Variants in RCC1L observed in about 807,000 individuals in gnomAD.
The protein encoded by RCC1L is RCC1 like.
A neutral mutation model predicts 58.6 loss-of-function variants in RCC1L; 46 were observed. The observed-to-expected ratio is 0.79, with a 90% CI of 0.62 to 1.00. RCC1L has a LOEUF of 1.00. Among genes scored for constraint, RCC1L ranks in the 50% least tolerant of loss-of-function variants. The pLI, the probability that RCC1L is intolerant of heterozygous loss-of-function variation, is 0.00. For missense variants in RCC1L, 636 were observed against 623.6 expected (o/e 1.02, Z -0.21); for synonymous variants, 281 against 262.9 (o/e 1.07, Z -0.67).
rs1806178558 is a variant in RCC1L, at chr7:75,058,904, C to T, written c.788-135G>A. The T allele has an allele frequency of 6.5e-6, 7 of 1,071,130 alleles. No homozygotes were observed. In the Admixed American group the frequency reaches 1.2e-4, roughly 19 times the overall value. 66.4% of individuals were successfully genotyped at this position (1,071,130 alleles called of 1,614,324 possible). On this transcript the variant is annotated intron_variant, in intron 6 of 10. Transcript: ENST00000610322. Reference sequence around the variant, plus strand: ...AGAAATCCCAGTCTGGGGCTGGGTGCAGTGGCTCACGCCTGTAATCCCACC... The same window carrying T: ...AGAAATCCCAGTCTGGGGCTGGGTGTAGTGGCTCACGCCTGTAATCCCACC...
rs1341529520 is a variant in RCC1L, at chr7:75,054,642, C to T, written c.1231+1259G>A. Reference sequence around the variant, plus strand: ...AATTCATGACACTGAATTAGCCGGGCGTGGTGGTGTGTGCCTGTAATCCCA... The same window carrying T: ...AATTCATGACACTGAATTAGCCGGGTGTGGTGGTGTGTGCCTGTAATCCCA... On this transcript the variant is annotated intron_variant, in intron 9 of 10. Coordinates refer to ENST00000610322, the MANE Select transcript of RCC1L (RefSeq NM_030798.5). Among the ~76,000 whole-genome samples the T allele has an allele frequency of 5.3e-5, 8 of 152,094 alleles. No homozygotes were observed. In the East Asian group the frequency reaches 5.8e-4, roughly 11 times the overall value.
chr7:75,049,171 A>G (rs1440840978), intron 10 of RCC1L, among the ~76,000 whole-genome samples: 6 of 152,134 alleles, frequency 3.9e-5, no homozygotes, highest in Non-Finnish European at 4.4e-5. Flanking sequence ...GATGTAATAT[A>G]TCCCCTACGG....
chr7:75,063,213 G>T, intron 5 of RCC1L, 79 bp downstream of exon 5: 1 of 1,458,288 alleles, frequency 6.9e-7, no homozygotes, highest in Non-Finnish European at 9.6e-7. Context: ...TAACAAATTT[G>T]CCATCACCCT....
In RCC1L at chr7:75,056,953, G is replaced by A. The variant is rs899123031; in HGVS notation, c.1057+576C>T. Reference sequence around the variant, plus strand: ...AGCCTTCTGAGTAGCTGGGACTACAGGTGTGCACCACCATGCCCAGCTAAT... The same window carrying A: ...AGCCTTCTGAGTAGCTGGGACTACAAGTGTGCACCACCATGCCCAGCTAAT... On this transcript the variant is annotated intron_variant, in intron 8 of 10. Transcript: ENST00000610322. Among the ~76,000 whole-genome samples, 58 of 152,186 alleles carry A rather than the reference G, an allele frequency of 3.8e-4. 1 individual carries two copies. Among genetic ancestry groups the A allele is most frequent in the African/African-American group, 1.3e-3 (52 of 41,526 alleles).
At chr7:75,037,431 C>T (rs1009378448), downstream of RCC1L, among the ~76,000 whole-genome samples, 37 of 151,914 alleles carry the variant, frequency 2.4e-4, no homozygotes, top group Non-Finnish European at 4.9e-4. Context: ...TCAGGTGATC[C>T]GTCCGCCTCG....
At chr7:75,068,421 C>T (rs1266215255) in intron 2 of RCC1L, among the ~76,000 whole-genome samples, 1 of 151,888 alleles carries the variant, frequency 6.6e-6, no homozygotes, top group Non-Finnish European at 1.5e-5. Context: ...CATGGTGGCT[C>T]ACACCTGTAA....
At chr7:75,048,070 C>G (rs1805788076) in intron 10 of RCC1L, among the ~76,000 whole-genome samples, 1 of 150,454 alleles carries the variant, frequency 6.6e-6, no homozygotes, top group Admixed American at 6.6e-5. Flanking sequence ...AGTTTGAGAC[C>G]AGCCTGGGCA....
chr7:75,044,518 G>A (rs1442407058), intron 10 of RCC1L, among the ~76,000 whole-genome samples: 4 of 136,094 alleles, frequency 2.9e-5, no homozygotes, highest in Non-Finnish European at 4.6e-5. Context: ...AGAATCGCTT[G>A]AACCTGGGAG....
chr7:75,043,831 A>G (rs965545875), intron 10 of RCC1L, among the ~76,000 whole-genome samples: 1 of 152,128 alleles, frequency 6.6e-6, no homozygotes, highest in Non-Finnish European at 1.5e-5. Context: ...AAGCTCCAGA[A>G]ACCCTGTCTC....
chr7:75,041,945 C>T (rs1377732448), downstream of RCC1L, among the ~76,000 whole-genome samples: 17 of 151,786 alleles, frequency 1.1e-4, no homozygotes, highest in Admixed American at 2.6e-4. Context: ...CAGTTGAGCA[C>T]GGTAGCTCAC....
At position 75,066,743 on chromosome 7, in the gene RCC1L, C is replaced by T; in HGVS notation, c.504G>A (p.Leu168=). 6.2e-7 allele frequency: 1 copy of T among 1,613,502 alleles called. No individual in the cohort carries two copies. The highest frequency in any genetic ancestry group is 2.2e-5 in the East Asian group (1 of 44,842). Residue 168 remains leucine, a synonymous_variant, in exon 3 of 11, where the codon CTG becomes CTA. Coordinates refer to ENST00000610322, the MANE Select transcript of RCC1L (RefSeq NM_030798.5). ...VLEPSPVSLP[L]DRPQETRVLQ... is the part of the protein sequence containing the mutation. ...GCACCCGTGTCTCCTGAGGTCTGTC[C>T]AGAGGCAGGGAGACGGGTGAGGGCT...
chr7:75,042,110 T>C (rs1805584162), downstream of RCC1L: 3 of 886,320 alleles, frequency 3.4e-6, no homozygotes, highest in Non-Finnish European at 4.1e-6. Context: ...CTTCTGCCTC[T>C]GTATCAAAAG....
intron 1 of RCC1L, among the ~76,000 whole-genome samples, chr7:75,072,155 C>CATATATATATATAT (rs1212608729): frequency 0.012 from 566 of 47,680 alleles, 23 homozygotes; most frequent in Middle Eastern, 0.016. Flanking sequence ...TATACATATA[C>CATATATATATATAT]ATATACATAT....
At chr7:75,068,144 A>G (rs1014874074) in intron 2 of RCC1L, among the ~76,000 whole-genome samples, 6 of 151,042 alleles carry the variant, frequency 4.0e-5, no homozygotes, top group African/African-American at 1.5e-4. Context: ...ACGTGGAGAA[A>G]CCCCATCTCT....
At chr7:75,031,992 A>T (rs1805318240) in intron 10 of RCC1L, among the ~76,000 whole-genome samples, 1 of 152,188 alleles carries the variant, frequency 6.6e-6, no homozygotes, top group African/African-American at 2.4e-5. Context: ...CAAGAGATTC[A>T]AGGGTCCAGG....
chr7:75,064,956 C>A (rs1298947113), intron 3 of RCC1L, among the ~76,000 whole-genome samples: 1 of 152,092 alleles, frequency 6.6e-6, no homozygotes. Context: ...CTAGAAAGAG[C>A]CCCTAAATGC....
chr7:75,038,465 G>T (rs1805475907), downstream of RCC1L, among the ~76,000 whole-genome samples: 2 of 150,372 alleles, frequency 1.3e-5, no homozygotes, highest in Admixed American at 1.3e-4. Context: ...CCAGAGTCTT[G>T]CTCTGTCACC....
At chr7:75,059,187 C>CAA (rs71278503) in intron 6 of RCC1L, among the ~76,000 whole-genome samples, 3,152 of 77,890 alleles carry the variant, frequency 0.04, 85 homozygotes, top group Non-Finnish European at 0.065. Context: ...ATGAGACTCT[C>CAA]AAAAAAAAAA....
chr7:75,044,173 C>CCA (rs1805648182), intron 10 of RCC1L, among the ~76,000 whole-genome samples: 1 of 152,182 alleles, frequency 6.6e-6, no homozygotes, highest in Admixed American at 6.5e-5. Flanking sequence ...CCAGGTGTGC[C>CCA]CAGGGCCATA....
Sources: allele counts gnomAD v4.1 joint callset (sites outside exome capture counted in the v4.1 genomes callset), GRCh38; gene constraint gnomAD v4.1.1; transcripts MANE v1.5; gene names NCBI Gene and HGNC (gene_info 2026-07-23, HGNC 2026-07-21).